Variants in FBXL7 observed in about 807,000 individuals in gnomAD.
FBXL7 encodes the protein F-box/LRR-repeat protein 7.
FBXL7 carries 12 observed loss-of-function variants against 38.3 expected under a neutral mutation model. That is an observed-to-expected ratio of 0.31 (90% CI 0.20 to 0.51). The LOEUF is 0.51. Ranked by LOEUF, FBXL7 falls within the 20% of genes least tolerant of loss-of-function variation. The pLI, the probability that FBXL7 is intolerant of heterozygous loss-of-function variation, is 0.98. For missense variants in FBXL7, 567 were observed against 676.4 expected, an observed-to-expected ratio of 0.84 and a Z score of 1.79; for synonymous variants, 297 against 300.9, an observed-to-expected ratio of 0.99 and a Z score of 0.13.
At chr5:15,902,926 G>A (rs1007994472) in intron 2 of FBXL7, among the ~76,000 whole-genome samples, 5 of 152,338 alleles carry the variant, frequency 3.3e-5, no homozygotes. Context: ...GTCAGAGCAG[G>A]GCAAGCCCCG....
intron 2 of FBXL7, among the ~76,000 whole-genome samples, chr5:15,876,444 T>A (rs937429461): frequency 7.2e-5 from 11 of 152,328 alleles, no homozygotes; most frequent in East Asian, 1.9e-4. Context: ...TAGATACTTA[T>A]TATGTTGCAT....
At chr5:15,616,293 T>G (rs1740450890) in intron 2 of FBXL7, among the ~76,000 whole-genome samples, 1 of 152,144 alleles carries the variant, frequency 6.6e-6, no homozygotes, top group Admixed American at 6.5e-5. Context: ...GTGCCTCAAT[T>G]ATAAGGCAAA....
chr5:15,734,690 T>A lies in FBXL7; in HGVS notation c.127+118618T>A, dbSNP rs191245378. Among the ~76,000 whole-genome samples the A allele has an allele frequency of 4.4e-3, 666 of 152,204 alleles. 1 individual carries two copies. Among genetic ancestry groups the A allele is most frequent in the Non-Finnish European group, 6.6e-3 (449 of 67,998 alleles). ...CTTTCTCTTTTCTGTGATATAATAA[T>A]CACAAAAGAAGGACTTATGATACAT... is the stretch of plus-strand genomic sequence containing the variant. On this transcript the variant is annotated intron_variant, in intron 2 of 3. Coordinates refer to ENST00000504595, the MANE Select transcript of FBXL7 (RefSeq NM_012304.5).
At chr5:15,833,167 G>A (rs1053306957) in intron 2 of FBXL7, among the ~76,000 whole-genome samples, 8 of 152,022 alleles carry the variant, frequency 5.3e-5, no homozygotes, top group South Asian at 2.1e-4. Context: ...GAATGAAAGC[G>A]GACTAATACA....
chr5:15,917,644 G>GGAA (rs1554034053), intron 2 of FBXL7, among the ~76,000 whole-genome samples: 1 of 90,948 alleles, frequency 1.1e-5, no homozygotes, highest in Non-Finnish European at 2.3e-5. Context: ...AAGGAAGGGA[G>GGAA]GGAAGGAAGG....
intron 1 of FBXL7, among the ~76,000 whole-genome samples, chr5:15,541,854 C>G (rs1427235448): frequency 6.6e-6 from 1 of 152,038 alleles, no homozygotes; most frequent in East Asian, 1.9e-4. Context: ...TCCCACTCAC[C>G]TGTCTTGGTA....
intron 2 of FBXL7, among the ~76,000 whole-genome samples, chr5:15,743,562 A>T (rs2126677470): frequency 6.6e-6 from 1 of 152,280 alleles, no homozygotes; most frequent in South Asian, 2.1e-4. Flanking sequence ...CACAGCTGGC[A>T]TTGAGTGTCT....
At chr5:15,512,667 T>C (rs915693774) in intron 1 of FBXL7, among the ~76,000 whole-genome samples, 3 of 152,198 alleles carry the variant, frequency 2.0e-5, no homozygotes, top group African/African-American at 7.2e-5. Flanking sequence ...GTTTTGCTTG[T>C]ATATTTAAGG....
At chr5:15,716,487 C>G (rs1744047494) in intron 2 of FBXL7, among the ~76,000 whole-genome samples, 1 of 152,122 alleles carries the variant, frequency 6.6e-6, no homozygotes, top group Non-Finnish European at 1.5e-5. Flanking sequence ...CTCCTTGGTC[C>G]TCCTGGCCTA....
chr5:15,597,254 A>G (rs1272341972), intron 1 of FBXL7, among the ~76,000 whole-genome samples: 1 of 152,196 alleles, frequency 6.6e-6, no homozygotes, highest in Non-Finnish European at 1.5e-5. Context: ...TTTGGTGACC[A>G]GAAGTCACAG....
At chr5:15,744,278 A>T (rs1470866677) in intron 2 of FBXL7, among the ~76,000 whole-genome samples, 7 of 152,104 alleles carry the variant, frequency 4.6e-5, no homozygotes, top group Non-Finnish European at 8.8e-5. Flanking sequence ...CCACTTAGAA[A>T]TTTCTTCTGC....
chr5:15,572,933 AC>A (rs1355976242), intron 1 of FBXL7, among the ~76,000 whole-genome samples: 1 of 152,108 alleles, frequency 6.6e-6, no homozygotes, highest in Non-Finnish European at 1.5e-5. Flanking sequence ...AACCAGGTTT[AC>A]CCCTGTAAGC....
At chr5:15,588,173 G>T (rs1580387585) in intron 1 of FBXL7, among the ~76,000 whole-genome samples, 1 of 152,140 alleles carries the variant, frequency 6.6e-6, no homozygotes, top group Non-Finnish European at 1.5e-5. Context: ...GCTCAATGGT[G>T]GTAGATTGTG....
intron 1 of FBXL7, among the ~76,000 whole-genome samples, chr5:15,504,846 G>T (rs975285031): frequency 6.6e-6 from 1 of 152,254 alleles, no homozygotes; most frequent in African/African-American, 2.4e-5. Context: ...GCCTTTTAAG[G>T]TTTCTGAGCC....
intron 2 of FBXL7, among the ~76,000 whole-genome samples, chr5:15,736,003 C>T (rs374208188): frequency 2.0e-4 from 31 of 152,238 alleles, no homozygotes; most frequent in African/African-American, 7.0e-4. Context: ...CATAGTAAGC[C>T]ATGGAATTGG....
intron 2 of FBXL7, among the ~76,000 whole-genome samples, chr5:15,706,712 T>G (rs965013064): frequency 6.6e-6 from 1 of 152,140 alleles, no homozygotes; most frequent in African/African-American, 2.4e-5. Flanking sequence ...AACAACTACC[T>G]GGAAGTGGGT....
intron 1 of FBXL7, among the ~76,000 whole-genome samples, chr5:15,593,125 A>G (rs1046093588): frequency 1.3e-5 from 2 of 152,216 alleles, no homozygotes; most frequent in Non-Finnish European, 2.9e-5. Flanking sequence ...TTAGCTTTAC[A>G]GGGATCAGCT....
intron 2 of FBXL7, among the ~76,000 whole-genome samples, chr5:15,802,450 G>A (rs1468018838): frequency 1.1e-4 from 17 of 151,716 alleles, no homozygotes; most frequent in Non-Finnish European, 2.2e-4. Flanking sequence ...CTGCTAAACA[G>A]TGTCCAGCCA....
intron 2 of FBXL7, among the ~76,000 whole-genome samples, chr5:15,760,238 T>G (rs1736404204): frequency 6.6e-6 from 1 of 152,096 alleles, no homozygotes; most frequent in Admixed American, 6.6e-5. Flanking sequence ...CTACAAAGCA[T>G]GCACAAACCA....
Sources: allele counts gnomAD v4.1 joint callset (sites outside exome capture counted in the v4.1 genomes callset), GRCh38; gene constraint gnomAD v4.1.1; transcripts MANE v1.5; gene names NCBI Gene and HGNC (gene_info 2026-07-23, HGNC 2026-07-21).